Variants in COMMD7 observed in about 807,000 individuals in gnomAD.
COMMD7 encodes COMM domain containing 7, also known as COMM domain-containing protein 7.
COMMD7 carries 28 observed loss-of-function variants against 34.8 expected under a neutral mutation model. The observed-to-expected ratio is 0.80, with a 90% CI of 0.60 to 1.10. The LOEUF is 1.10. COMMD7 is among the 50% of genes least tolerant of loss of function. The pLI is 0.00. For synonymous variants in COMMD7, 80 were observed against 86.4 expected (o/e 0.93, Z 0.41); for missense variants, 211 against 241.6 (o/e 0.87, Z 0.84).
At position 32,723,040 on chromosome 20, in the gene COMMD7, TAAATA is replaced by T. The variant is rs1187654748; in HGVS notation, c.241+4848_241+4852del. On this transcript the variant is annotated intron_variant, in intron 3 of 8. Transcript: ENST00000278980. ...TCTCAAAAATAAATAAATAAATAAA[TAAATA>T]AATAATAATAATAATAATAAAGACT... is the stretch of plus-strand genomic sequence containing the variant. Among the ~76,000 whole-genome samples, 74 of 11,824 alleles carry T rather than the reference TAAATA, an allele frequency of 6.3e-3. 2 individuals are homozygous for T. The East Asian group carries it at 0.14, about 22-fold the overall frequency. The allele number at this position is 11,824 out of a possible 152,430, so 7.8% of individuals were successfully genotyped here.
intron 1 of COMMD7, among the ~76,000 whole-genome samples, chr20:32,735,271 T>C (rs1382204918): frequency 6.6e-6 from 1 of 151,842 alleles, no homozygotes; most frequent in Non-Finnish European, 1.5e-5. Flanking sequence ...CTCATATATA[T>C]GCTGGCAAAT....
intron 7 of COMMD7, among the ~76,000 whole-genome samples, 176 bp from the exon 8 acceptor site, chr20:32,704,247 A>G (rs932134878): frequency 6.6e-6 from 1 of 152,184 alleles, no homozygotes; most frequent in Admixed American, 6.6e-5. Flanking sequence ...TCACGCATCA[A>G]TGAATAACAC....
intron 1 of COMMD7, among the ~76,000 whole-genome samples, chr20:32,735,462 G>A (rs900627627): frequency 3.3e-5 from 5 of 150,788 alleles, no homozygotes; most frequent in East Asian, 2.0e-4. Context: ...GATTATAAGC[G>A]TGCACTACCA....
At chr20:32,740,963 T>A (rs1477698667) in intron 1 of COMMD7, among the ~76,000 whole-genome samples, 4 of 151,240 alleles carry the variant, frequency 2.6e-5, no homozygotes, top group Non-Finnish European at 4.4e-5. Flanking sequence ...GCCAACATGG[T>A]GAAACGCTGT....
intron 3 of COMMD7, among the ~76,000 whole-genome samples, chr20:32,718,296 C>G (rs1044638291): frequency 2.0e-5 from 3 of 151,714 alleles, no homozygotes; most frequent in African/African-American, 7.3e-5. Flanking sequence ...CCCAGCTACT[C>G]GGGAGGTTGA....
At chr20:32,707,117 CAA>C (rs34159119) in intron 3 of COMMD7, among the ~76,000 whole-genome samples, 15,512 of 118,376 alleles carry the variant, frequency 0.13, 1,285 homozygotes, top group East Asian at 0.35. Flanking sequence ...ATTAAAAATA[CAA>C]AAAAAAAAAA....
chr20:32,728,024 G>T lies in COMMD7; in HGVS notation c.139-29C>A. On this transcript the variant is annotated intron_variant, in intron 2 of 8. Coordinates refer to ENST00000278980, the MANE Select transcript of COMMD7 (RefSeq NM_053041.3). The stretch of plus-strand genomic sequence containing the variant: ...CAGAGAGAGAACAGTGAAAACCCGG[G>T]CCTTCACTTTCTAAGCATCTCAGGG... 2.5e-6 allele frequency: 4 copies of T among 1,612,090 alleles called. No individual in the cohort carries two copies. In the South Asian group the frequency reaches 4.4e-5, roughly 18 times the overall value.
rs1285198300 is a variant in COMMD7, at chr20:32,737,083, G to A, written c.84+6225C>T. Among the ~76,000 whole-genome samples the A allele has an allele frequency of 2.0e-5, 3 of 151,932 alleles. No homozygotes were observed. The East Asian group carries it at 5.8e-4, about 29-fold the overall frequency. On this transcript the variant is annotated intron_variant, in intron 1 of 8. Coordinates refer to ENST00000278980, the MANE Select transcript of COMMD7 (RefSeq NM_053041.3). ...TGTAGTCCCAGCCACTCTGGAGGCT[G>A]AGGCAGGAGAATGGTGTGAACCCAG... is the stretch of plus-strand genomic sequence containing the variant.
Position 32,705,002 on chromosome 20 carries a change from G to A in COMMD7, c.337-98C>T, listed in dbSNP as rs960370606. ...GCAATATTTAGCATTGACACAGATA[G>A]TGGGGAGGGTGCAGAAGATAGTGGG... On this transcript the variant is annotated intron_variant, in intron 5 of 8. Coordinates refer to ENST00000278980, the MANE Select transcript of COMMD7 (RefSeq NM_053041.3). 4.1e-5 allele frequency: 35 copies of A among 846,068 alleles called. No individual in the cohort carries two copies. The African/African-American group carries it at 5.5e-4, about 13-fold the overall frequency. The allele number at this position is 846,068 out of a possible 1,614,324, so 52.4% of individuals were successfully genotyped here. A position where few individuals can be genotyped will look rare whatever the true frequency, so the allele number is the denominator to read the frequency against.
At chr20:32,725,622 G>T (rs1985464010) in intron 3 of COMMD7, among the ~76,000 whole-genome samples, 1 of 151,852 alleles carries the variant, frequency 6.6e-6, no homozygotes, top group East Asian at 1.9e-4. Context: ...TAGAGACAGG[G>T]TTTCACCGTG....
At chr20:32,707,290 A>T (rs755870381) in intron 3 of COMMD7, among the ~76,000 whole-genome samples, 39 of 119,812 alleles carry the variant, frequency 3.3e-4, no homozygotes, top group Non-Finnish European at 5.9e-4. Context: ...TCTCAAAAAA[A>T]AAAAATATAT....
intron 3 of COMMD7, among the ~76,000 whole-genome samples, chr20:32,711,967 A>G (rs997616485): frequency 5.3e-5 from 8 of 149,714 alleles, no homozygotes; most frequent in Non-Finnish European, 1.0e-4. Flanking sequence ...GGTGGATCAC[A>G]AGGTCAAGAG....
At chr20:32,721,189 G>A (rs1985132904) in intron 3 of COMMD7, among the ~76,000 whole-genome samples, 1 of 152,098 alleles carries the variant, frequency 6.6e-6, no homozygotes, top group African/African-American at 2.4e-5. Context: ...ATACAGTGGG[G>A]GGCCAAGTGC....
rs748457607 is a variant in COMMD7 at position 32,728,191 on chromosome 20, C to T, written c.85-49G>A. ...ATCAGTACAATTTCTACTACTGGGT[C>T]AGCATGCCCCACCCCAGGCAACTGC... On this transcript the variant is annotated intron_variant, in intron 1 of 8. Coordinates refer to ENST00000278980, the MANE Select transcript of COMMD7 (RefSeq NM_053041.3). The T allele has an allele frequency of 2.5e-6, 4 of 1,576,234 alleles. No homozygotes were observed. In the South Asian group the frequency reaches 4.4e-5, roughly 18 times the overall value.
At chr20:32,726,095 T>C (rs1030526724) in intron 3 of COMMD7, among the ~76,000 whole-genome samples, 7 of 143,284 alleles carry the variant, frequency 4.9e-5, no homozygotes, top group South Asian at 2.2e-4. Flanking sequence ...AGTATTCCTA[T>C]ATAAAAAGAC....
intron 3 of COMMD7, among the ~76,000 whole-genome samples, chr20:32,722,246 G>GAAAA (rs747223357): frequency 1.2e-3 from 44 of 36,972 alleles, no homozygotes; most frequent in East Asian, 3.8e-3. Context: ...ACTCTGTCTC[G>GAAAA]AAAAAAAAAA....
At chr20:32,719,418 T>A (rs1287783547) in intron 3 of COMMD7, among the ~76,000 whole-genome samples, 1 of 151,908 alleles carries the variant, frequency 6.6e-6, no homozygotes, top group African/African-American at 2.4e-5. Flanking sequence ...GAGGCCAAGG[T>A]GGGGTGGATC....
Position 32,710,656 on chromosome 20 carries a change from G to T in COMMD7, c.242-3896C>A, listed in dbSNP as rs747368527. ...AGGTGGGAGGATGGCTTGAGCCCAG[G>T]AGGTTGAGGCTACAGTGAACCATAA... is the stretch of plus-strand genomic sequence containing the variant. On this transcript the variant is annotated intron_variant, in intron 3 of 8. Coordinates refer to ENST00000278980, the MANE Select transcript of COMMD7 (RefSeq NM_053041.3). 2.0e-5 allele frequency among the ~76,000 whole-genome samples: 3 copies of T among 150,378 alleles called. No individual in the cohort carries two copies. In the East Asian group the frequency reaches 5.9e-4, roughly 29 times the overall value.
At chr20:32,732,716 T>G (rs929032719) in intron 1 of COMMD7, among the ~76,000 whole-genome samples, 1 of 151,344 alleles carries the variant, frequency 6.6e-6, no homozygotes, top group African/African-American at 2.4e-5. Context: ...CACGAGGTCA[T>G]GAGATCTAGA....
Sources: allele counts gnomAD v4.1 joint callset (sites outside exome capture counted in the v4.1 genomes callset), GRCh38; gene constraint gnomAD v4.1.1; transcripts MANE v1.5; gene names NCBI Gene and HGNC (gene_info 2026-07-23, HGNC 2026-07-21).